GSG1L: variants seen among roughly 807,000 people sequenced by gnomAD.
GSG1L encodes GSG1 like, also known as germ cell-specific gene 1-like protein.
GSG1L carries 24 observed loss-of-function variants against 42.1 expected under a neutral mutation model. That is an observed-to-expected ratio of 0.57 (90% CI 0.41 to 0.80). The LOEUF (loss-of-function observed/expected upper bound fraction) is 0.80. Among genes scored for constraint, GSG1L ranks in the 30% least tolerant of loss-of-function variants. The pLI is 0.00. For synonymous variants in GSG1L, 215 were observed against 203.5 expected (o/e 1.06, Z -0.48); for missense variants, 445 against 472.2 (o/e 0.94, Z 0.53).
intron 1 of GSG1L, among the ~76,000 whole-genome samples, chr16:27,979,679 GAA>G (rs71140936): frequency 6.6e-5 from 4 of 61,022 alleles, no homozygotes; most frequent in East Asian, 4.7e-4. Flanking sequence ...GAGAGAGAGA[GAA>G]AGAAAGAAGG....
intron 5 of GSG1L, among the ~76,000 whole-genome samples, chr16:27,815,622 T>G (rs2083086490): frequency 6.6e-6 from 1 of 152,208 alleles, no homozygotes; most frequent in Admixed American, 6.5e-5. Context: ...ACCCCAGACG[T>G]GTCACATCCC....
chr16:27,836,705 CTTCT>C (rs2083324924), intron 4 of GSG1L, among the ~76,000 whole-genome samples: 2 of 152,094 alleles, frequency 1.3e-5, no homozygotes, highest in Admixed American at 6.5e-5. Context: ...CCATTTGGTC[CTTCT>C]TTCTATCTTC....
At chr16:27,883,157 T>G (rs984125441) in intron 3 of GSG1L, among the ~76,000 whole-genome samples, 4 of 148,322 alleles carry the variant, frequency 2.7e-5, no homozygotes, top group Non-Finnish European at 4.5e-5. Context: ...AGAGAAAGCC[T>G]TCATGAGGGC....
intron 1 of GSG1L, among the ~76,000 whole-genome samples, chr16:28,060,161 G>A (rs2086324485): frequency 6.6e-6 from 1 of 151,838 alleles, no homozygotes; most frequent in Admixed American, 6.6e-5. Flanking sequence ...TAGCCTTGAT[G>A]TATAGGGGTG....
intron 4 of GSG1L, among the ~76,000 whole-genome samples, chr16:27,840,640 C>T (rs1240274534): frequency 6.6e-6 from 1 of 152,128 alleles, no homozygotes; most frequent in African/African-American, 2.4e-5. Flanking sequence ...AGCCACACCT[C>T]CCGCGGTTCA....
chr16:27,996,436 C>T (rs920062939), intron 1 of GSG1L, among the ~76,000 whole-genome samples: 1 of 152,136 alleles, frequency 6.6e-6, no homozygotes, highest in Non-Finnish European at 1.5e-5. Flanking sequence ...AAATAACCTA[C>T]ATTTCCATTA....
At chr16:28,003,522 C>T (rs1049145430) in intron 1 of GSG1L, among the ~76,000 whole-genome samples, 4 of 152,208 alleles carry the variant, frequency 2.6e-5, no homozygotes, top group African/African-American at 9.7e-5. Context: ...GCCAATTGGC[C>T]CAGCTCAGGT....
intron 1 of GSG1L, among the ~76,000 whole-genome samples, chr16:28,037,558 T>C (rs2086054705): frequency 6.6e-6 from 1 of 152,288 alleles, no homozygotes; most frequent in South Asian, 2.1e-4. Flanking sequence ...ATGCTATATA[T>C]AATATTTCTA....
chr16:28,008,136 G>A (rs577244232), intron 1 of GSG1L, among the ~76,000 whole-genome samples: 12 of 152,216 alleles, frequency 7.9e-5, no homozygotes, highest in Non-Finnish European at 1.6e-4. Flanking sequence ...CTGGAGTGCA[G>A]TGGCATGATC....
intron 3 of GSG1L, among the ~76,000 whole-genome samples, chr16:27,854,386 G>T (rs1459033604): frequency 6.6e-6 from 1 of 151,650 alleles, no homozygotes; most frequent in Non-Finnish European, 1.5e-5. Flanking sequence ...AGAGGGGGAT[G>T]GTTGGCCCCA....
intron 2 of GSG1L, among the ~76,000 whole-genome samples, chr16:27,908,163 G>A (rs889785223): frequency 2.6e-4 from 39 of 152,238 alleles, no homozygotes; most frequent in Non-Finnish European, 5.4e-4. Context: ...GCTTGCACCT[G>A]TTGTCACCCA....
chr16:27,872,490 G>GTGAC (rs1434626363), intron 3 of GSG1L, among the ~76,000 whole-genome samples: 2 of 152,190 alleles, frequency 1.3e-5, no homozygotes, highest in Non-Finnish European at 2.9e-5. Context: ...TTGAACCAGA[G>GTGAC]TGACTCCATC....
At chr16:27,979,688 A>AAAGAAAGAAAGAAAGAG (rs2085297121) in intron 1 of GSG1L, among the ~76,000 whole-genome samples, 5 of 27,774 alleles carry the variant, frequency 1.8e-4, no homozygotes, top group Non-Finnish European at 3.1e-4. Context: ...AGAAAGAAAG[A>AAAGAAAGAAAGAAAGAG]AGGAAGGAAG....
chr16:27,939,782 C>T (rs1450937258), intron 2 of GSG1L, among the ~76,000 whole-genome samples: 2 of 152,196 alleles, frequency 1.3e-5, no homozygotes, highest in East Asian at 1.9e-4. Context: ...TCATGCATCA[C>T]CAAAATTTGT....
intron 1 of GSG1L, among the ~76,000 whole-genome samples, chr16:28,035,989 A>G (rs1215407349): frequency 6.6e-6 from 1 of 152,192 alleles, no homozygotes; most frequent in East Asian, 1.9e-4. Flanking sequence ...TTTATTTAGA[A>G]TTAGCCCAAG....
At chr16:27,802,089 T>C (rs999035131) in intron 6 of GSG1L, among the ~76,000 whole-genome samples, 1 of 151,992 alleles carries the variant, frequency 6.6e-6, no homozygotes, top group Non-Finnish European at 1.5e-5. Flanking sequence ...TCATCCTGAG[T>C]GGGATGAGGC....
Position 28,051,621 on chromosome 16 carries a change from T to A in GSG1L, c.349+11455A>T, listed in dbSNP as rs529446901. On this transcript the variant is annotated intron_variant, in intron 1 of 6. Coordinates refer to ENST00000447459, the MANE Select transcript of GSG1L (RefSeq NM_001109763.2). Reference sequence around the variant, plus strand: ...CACAAGGAACGTTTGAGGGAAGTGATGGTGTGGAAATCTGGAGAAAGAGTT... The same window carrying A: ...CACAAGGAACGTTTGAGGGAAGTGAAGGTGTGGAAATCTGGAGAAAGAGTT... 7.9e-5 allele frequency among the ~76,000 whole-genome samples: 12 copies of A among 151,458 alleles called. No homozygotes were observed. In the East Asian group the frequency reaches 2.3e-3, roughly 29 times the overall value.
At chr16:27,986,165 C>T (rs1174596310) in intron 1 of GSG1L, among the ~76,000 whole-genome samples, 1 of 152,122 alleles carries the variant, frequency 6.6e-6, no homozygotes, top group Middle Eastern at 3.2e-3. Flanking sequence ...AGAGTTATTG[C>T]CGCAGGGAGG....
intron 3 of GSG1L, among the ~76,000 whole-genome samples, chr16:27,849,203 G>GAA (rs1203275567): frequency 3.8e-5 from 3 of 79,954 alleles, no homozygotes; most frequent in South Asian, 8.8e-4. Flanking sequence ...ATCCCAAAAA[G>GAA]AAAAAAAAAA....
Sources: allele counts gnomAD v4.1 joint callset (sites outside exome capture counted in the v4.1 genomes callset), GRCh38; gene constraint gnomAD v4.1.1; transcripts MANE v1.5; gene names NCBI Gene and HGNC (gene_info 2026-07-23, HGNC 2026-07-21).